Variants in TMPRSS3 observed in about 807,000 individuals in gnomAD.
The protein encoded by TMPRSS3 is transmembrane serine protease 3.
Under a neutral mutation model 59.6 loss-of-function variants are expected in TMPRSS3, and 55 were observed. The ratio of observed to expected loss-of-function variants is 0.92; its 90% CI spans 0.74 to 1.16. The LOEUF (loss-of-function observed/expected upper bound fraction) is 1.16, where lower values mean the gene tolerates loss of function less well. Among genes scored for constraint, TMPRSS3 ranks in the 50% most tolerant of loss-of-function variants. The pLI is 0.00. For missense variants in TMPRSS3, 596 were observed against 579.4 expected (o/e 1.03, Z -0.29); for synonymous variants, 257 against 237.7 (o/e 1.08, Z -0.75).
In TMPRSS3 at chr21:42,390,001, A is replaced by C; in HGVS notation, c.131T>G (p.Leu44Arg). The part of the protein sequence containing the change: ...DAVAAQILSL[L>R]PLKFFPIIVI... The stretch of plus-strand genomic sequence containing the variant: ...GATGATTGGAAAAAACTTCAATGGC[A>C]GCAGTGACAGGATCTGTGCAGCAAC... The change falls in exon 3 of 13, where the codon CTG (leucine) becomes CGG (arginine). Residue 44 changes from leucine (L) to arginine (R), a missense_variant. Physicochemically the swap from Leu to Arg is moderately radical, Grantham distance 102 (BLOSUM62 -2). Transcript: ENST00000644384. 6.2e-7 allele frequency: 1 copy of C among 1,614,206 alleles called. No homozygotes were observed. The highest frequency in any genetic ancestry group is 8.5e-7 in the Non-Finnish European group (1 of 1,180,008).
chr21:42,389,622 G>T (rs1015582444), intron 3 of TMPRSS3, among the ~76,000 whole-genome samples: 1 of 152,234 alleles, frequency 6.6e-6, no homozygotes, highest in African/African-American at 2.4e-5. Flanking sequence ...TCTCCCCGCT[G>T]CCCCGGTCAG....
Position 42,389,934 on chromosome 21 carries a change from A to G in TMPRSS3, c.198T>C (p.Gly66=). The change falls in exon 3 of 13, where the codon GGT becomes GGC. Residue 66 remains glycine (G), a synonymous_variant. Coordinates refer to ENST00000644384, the MANE Select transcript of TMPRSS3 (RefSeq NM_001256317.3). The part of the protein sequence containing the change: ...IIALILALAI[G]LGIHFDCSGK... ...ATAATGAATTGTACTCACTGCCCAG[A>G]CCAATGGCCAGTGCTAATATCAATG... The G allele has an allele frequency of 6.2e-7, 1 of 1,610,838 alleles. No homozygotes were observed. Among genetic ancestry groups the G allele is most frequent in the East Asian group, 2.2e-5 (1 of 44,876 alleles).
rs1483851384 is a variant in TMPRSS3 at position 42,372,060 on chromosome 21, G to A, written c.*702C>T. The stretch of plus-strand genomic sequence containing the variant: ...AGGGTGGGTTTGGTTCTGGTCCCTA[G>A]AGATGAAAACGTGCAGTGACTGCAG... On this transcript the variant is annotated 3_prime_UTR_variant, in exon 13 of 13. Coordinates refer to ENST00000644384, the MANE Select transcript of TMPRSS3 (RefSeq NM_001256317.3). The A allele has an allele frequency of 2.2e-6, 1 of 454,400 alleles. No individual in the cohort carries two copies. The highest frequency in any genetic ancestry group is 1.6e-5 in the South Asian group (1 of 64,480). The allele number at this position is 454,400 out of a possible 1,614,324, so 28.1% of individuals were successfully genotyped here. A position where few individuals can be genotyped will look rare whatever the true frequency, so the allele number is the denominator to read the frequency against.
At chr21:42,373,868 C>A (rs1446741161) in intron 12 of TMPRSS3, among the ~76,000 whole-genome samples, 1 of 152,150 alleles carries the variant, frequency 6.6e-6, no homozygotes, top group African/African-American at 2.4e-5. Context: ...TGATTTTGAA[C>A]GTTTGTCTCC....
chr21:42,382,744 A>G, intron 8 of TMPRSS3: 1 of 503,720 alleles, frequency 2.0e-6, no homozygotes, highest in Non-Finnish European at 3.6e-6. Flanking sequence ...GGGAAGGTCT[A>G]GGTCCTTTCA....
intron 12 of TMPRSS3, among the ~76,000 whole-genome samples, chr21:42,375,027 TC>T (rs1177363954): frequency 6.6e-6 from 1 of 151,902 alleles, no homozygotes; most frequent in African/African-American, 2.4e-5. Context: ...AGCAAATGTT[TC>T]CCCGGCGCCC....
intron 5 of TMPRSS3, among the ~76,000 whole-genome samples, chr21:42,386,574 C>T (rs536068542): frequency 1.3e-5 from 2 of 152,356 alleles, no homozygotes; most frequent in South Asian, 4.1e-4. Flanking sequence ...ATGACAGCCA[C>T]AACCACACAC....
intron 8 of TMPRSS3, chr21:42,382,553 G>A: frequency 4.7e-6 from 2 of 425,160 alleles, no homozygotes; most frequent in Non-Finnish European, 8.7e-6. Context: ...ACAAAATAGG[G>A]GGTAAAAATA....
At chr21:42,376,512 C>A in intron 11 of TMPRSS3, 29 bp downstream of exon 11, 1 of 1,611,686 alleles carries the variant, frequency 6.2e-7, no homozygotes, top group South Asian at 1.1e-5. Flanking sequence ...CACCCTGCCA[C>A]GGCCTCGCCC....
At chr21:42,392,645 G>A (rs1262368585) in intron 2 of TMPRSS3, among the ~76,000 whole-genome samples, 2 of 152,194 alleles carry the variant, frequency 1.3e-5, no homozygotes, top group African/African-American at 4.8e-5. Flanking sequence ...ATCTGCGGTG[G>A]TGAGCTGGCA....
Position 42,383,129 on chromosome 21 carries a change from G to C in TMPRSS3, c.686C>G (p.Pro229Arg). 6.2e-7 allele frequency: 1 copy of C among 1,614,184 alleles called. No homozygotes were observed. The highest frequency in any genetic ancestry group is 8.5e-7 in the Non-Finnish European group (1 of 1,180,040). The change falls in exon 8 of 13, where the codon CCC (proline) becomes CGC (arginine). Residue 229 changes from proline to arginine, a missense_variant. Pro to Arg is a moderately radical substitution (Grantham distance 103). Transcript: ENST00000644384. The part of the protein sequence containing the change: ...GGNMSLLSQW[P>R]WQASLQFQGY... ...CTGGAACTGAAGGCTGGCCTGCCAG[G>C]GCCACTGCGAGAGCAAGGACATGTT...
chr21:42,382,437 C>A, intron 8 of TMPRSS3: 1 of 611,142 alleles, frequency 1.6e-6, no homozygotes, highest in Non-Finnish European at 3.0e-6. Flanking sequence ...ATGTGTTTCC[C>A]AGACCTCACT....
chr21:42,378,533 G>A (rs1601518206), intron 10 of TMPRSS3, among the ~76,000 whole-genome samples: 1 of 152,116 alleles, frequency 6.6e-6, no homozygotes, highest in South Asian at 2.1e-4. Flanking sequence ...GAGATACAGA[G>A]ACACAGGGGG....
chr21:42,395,871 C>G lies in TMPRSS3; in HGVS notation c.-52+71G>C, dbSNP rs56332316. The stretch of plus-strand genomic sequence containing the variant: ...TTTTTTGCGATTGTTTTCACCTGTC[C>G]CACATAAACGCAATTCTTTCCCTGT... On this transcript the variant is annotated intron_variant, in intron 1 of 12. Transcript: ENST00000644384. 7.3e-3 allele frequency: 3,550 copies of G among 487,694 alleles called. 19 individuals carry two copies. The highest frequency in any genetic ancestry group is 1.0e-2 in the Non-Finnish European group (2,428 of 243,144). 30.2% of individuals were successfully genotyped at this position (487,694 alleles called of 1,614,324 possible).
At chr21:42,383,941 C>T (rs2052581370) in intron 7 of TMPRSS3, 29 bp downstream of exon 7, 2 of 1,613,630 alleles carry the variant, frequency 1.2e-6, no homozygotes, top group African/African-American at 2.7e-5. Flanking sequence ...CTTGCTCCCC[C>T]TGGACCCCTG....
intron 9 of TMPRSS3, among the ~76,000 whole-genome samples, chr21:42,381,145 T>C (rs780718144): frequency 2.6e-5 from 4 of 152,234 alleles, no homozygotes; most frequent in Non-Finnish European, 2.9e-5. Context: ...CCTGCTTTCT[T>C]AAGAAGGAAA....
chr21:42,391,500 A>C (rs1473883060), intron 2 of TMPRSS3, among the ~76,000 whole-genome samples: 7 of 152,146 alleles, frequency 4.6e-5, no homozygotes, highest in Non-Finnish European at 1.0e-4. Flanking sequence ...AGGTTTGTTT[A>C]CTGTCCAGTT....
At chr21:42,380,302 A>G in intron 9 of TMPRSS3, 90 bp from the exon 10 acceptor site, 1 of 1,054,780 alleles carries the variant, frequency 9.5e-7, no homozygotes, top group Non-Finnish European at 1.4e-6. Flanking sequence ...TGAGGAGCCC[A>G]AACTATCTCC....
chr21:42,382,347 T>G, intron 8 of TMPRSS3, 113 bp from the exon 9 acceptor site: 2 of 939,926 alleles, frequency 2.1e-6, no homozygotes, highest in South Asian at 2.8e-5. Flanking sequence ...TCAGGCAAGA[T>G]GTGGTCCCAT....
Sources: allele counts gnomAD v4.1 joint callset (sites outside exome capture counted in the v4.1 genomes callset), GRCh38; gene constraint gnomAD v4.1.1; transcripts MANE v1.5; gene names NCBI Gene and HGNC (gene_info 2026-07-23, HGNC 2026-07-21).